Variants in TGM4 observed in about 807,000 individuals in gnomAD.
TGM4 encodes protein-glutamine gamma-glutamyltransferase 4.
In TGM4, 61 loss-of-function variants were observed where a neutral mutation model predicts 76.3. The ratio of observed to expected loss-of-function variants is 0.80; its 90% CI spans 0.65 to 0.99. TGM4 has a LOEUF of 0.99. TGM4 is among the 50% of genes least tolerant of loss of function. The pLI, the probability that TGM4 is intolerant of heterozygous loss-of-function variation, is 0.00. For synonymous variants in TGM4, 337 were observed against 329.8 expected, an observed-to-expected ratio of 1.02 and a Z score of -0.24; for missense variants, 794 against 843.2, an observed-to-expected ratio of 0.94 and a Z score of 0.72.
Position 44,896,784 on chromosome 3 carries a change from C to A in TGM4, c.625C>A (p.Pro209Thr), listed in dbSNP as rs898331603. The A allele has an allele frequency of 6.2e-7, 1 of 1,614,154 alleles. No homozygotes were observed. Among genetic ancestry groups the A allele is most frequent in the Non-Finnish European group, 8.5e-7 (1 of 1,180,028 alleles). ...SSLKPTDRRDPVLVCRAMCAM... is the reference protein window; with the variant it reads ...SSLKPTDRRDTVLVCRAMCAM... ...CCTCAAGCCCACAGATAGGAGGGAC[C>A]CCGTGCTGGTGTGCAGGGCCATGTG... The change falls in exon 6 of 14, where the codon CCC becomes ACC. Residue 209 changes from proline to threonine, a missense_variant. Physicochemically the swap from Pro to Thr is conservative, Grantham distance 38. Coordinates refer to ENST00000296125, the MANE Select transcript of TGM4 (RefSeq NM_003241.4).
rs537850961 is a variant in TGM4, at chr3:44,913,893, G to A, written c.*168G>A. 3.5e-6 allele frequency: 3 copies of A among 851,686 alleles called. No homozygotes were observed. Among genetic ancestry groups the A allele is most frequent in the Non-Finnish European group, 5.3e-6 (3 of 565,404 alleles). 52.8% of individuals were successfully genotyped at this position (851,686 alleles called of 1,614,324 possible). A position where few individuals can be genotyped will look rare whatever the true frequency, so the allele number is the denominator to read the frequency against. ...ATAAGCAGCCAGACCCACAAGGCCAGGTCCTGTGCTATCACAGGGTCACCT... is the reference window on the plus strand; with the variant it reads ...ATAAGCAGCCAGACCCACAAGGCCAAGTCCTGTGCTATCACAGGGTCACCT... On this transcript the variant is annotated 3_prime_UTR_variant, in exon 14 of 14. Transcript: ENST00000296125.
intron 11 of TGM4, 136 bp from the exon 12 acceptor site, chr3:44,910,820 TAA>T: frequency 1.0e-6 from 1 of 960,960 alleles, no homozygotes; most frequent in Non-Finnish European, 1.5e-6. Context: ...TCTTGTTTTC[TAA>T]AGAGAGTATG....
At chr3:44,882,868 C>T (rs1296271177) in intron 1 of TGM4, among the ~76,000 whole-genome samples, 1 of 152,204 alleles carries the variant, frequency 6.6e-6, no homozygotes, top group East Asian at 1.9e-4. Context: ...TACTGTGTGC[C>T]AGGCATGTGC....
At chr3:44,876,253 A>G (rs1699450990) in intron 1 of TGM4, among the ~76,000 whole-genome samples, 1 of 152,238 alleles carries the variant, frequency 6.6e-6, no homozygotes, top group Non-Finnish European at 1.5e-5. Context: ...AAAGACAGTC[A>G]TCTCCTGGCC....
At chr3:44,892,585 G>T (rs1317087280) in intron 4 of TGM4, among the ~76,000 whole-genome samples, 2 of 151,922 alleles carry the variant, frequency 1.3e-5, no homozygotes, top group Admixed American at 6.5e-5. Context: ...TGGTCAGGCT[G>T]GTCTCGAACT....
rs756015035 is a variant in TGM4 at position 44,885,438 on chromosome 3, C to T, written c.133C>T (p.Arg45Trp). The T allele has an allele frequency of 9.4e-5, 152 of 1,613,030 alleles. No homozygotes were observed. Among genetic ancestry groups the T allele is most frequent in the East Asian group, 3.8e-4 (17 of 44,894 alleles). ...CCGGCGAGGACAGGTGTTTCACCTG[C>T]GGCTGGTGCTGAACCAGCCCCTACA... ...VFRRGQVFHL[R>W]LVLNQPLQSY... is the part of the protein sequence containing the mutation. The change falls in exon 2 of 14, where the codon CGG (arginine) becomes TGG (tryptophan). Residue 45 changes from arginine (R) to tryptophan (W), a missense_variant. Transcript: ENST00000296125.
rs1397904739 is a variant in TGM4, at chr3:44,896,765, G to C, written c.606G>C (p.Lys202Asn). 2 of 1,614,176 alleles carry C rather than the reference G, an allele frequency of 1.2e-6. No homozygotes were observed. Among genetic ancestry groups the C allele is most frequent in the African/African-American group, 2.7e-5 (2 of 75,048 alleles). The change falls in exon 6 of 14, where the codon AAG becomes AAC. Residue 202 changes from lysine (K) to asparagine (N), a missense_variant. Coordinates refer to ENST00000296125, the MANE Select transcript of TGM4 (RefSeq NM_003241.4). ...CISLLTESSL[K>N]PTDRRDPVLV... ...CCCTGCTGACTGAGAGCTCCCTCAA[G>C]CCCACAGATAGGAGGGACCCCGTGC...
chr3:44,875,694 G>C (rs1385106598), intron 1 of TGM4, among the ~76,000 whole-genome samples: 1 of 152,248 alleles, frequency 6.6e-6, no homozygotes, highest in Non-Finnish European at 1.5e-5. Flanking sequence ...TCTCTTGCTT[G>C]AGAAGCTGCT....
intron 5 of TGM4, among the ~76,000 whole-genome samples, chr3:44,895,122 C>T (rs547462053): frequency 1.3e-5 from 2 of 151,852 alleles, no homozygotes; most frequent in Admixed American, 1.3e-4. Flanking sequence ...AGTGAAACCC[C>T]GTCTCTACTA....
chr3:44,889,299 G>T (rs1231329011), intron 3 of TGM4: 2 of 151,840 alleles, frequency 1.3e-5, no homozygotes, highest in African/African-American at 2.4e-5. Context: ...TGCTGCAATG[G>T]CACTCAAGGC....
chr3:44,885,408 G>A lies in TGM4; in HGVS notation c.103G>A (p.Val35Met), dbSNP rs1350511790. The change falls in exon 2 of 14, where the codon GTG becomes ATG. Residue 35 changes from valine (V) to methionine (M), a missense_variant. Transcript: ENST00000296125. ...ATGGGAGTTCCAAACGAGCAGTCCTGTGTTCCGGCGAGGACAGGTGTTTCA... is the reference window on the plus strand; with the variant it reads ...ATGGGAGTTCCAAACGAGCAGTCCTATGTTCCGGCGAGGACAGGTGTTTCA... ...HTWEFQTSSPVFRRGQVFHLR... is the reference protein window; with the variant it reads ...HTWEFQTSSPMFRRGQVFHLR... 4 of 1,613,982 alleles carry A rather than the reference G, an allele frequency of 2.5e-6. No homozygotes were observed. The South Asian group carries it at 3.3e-5, about 13-fold the overall frequency.
At chr3:44,881,013 T>C (rs899100245) in intron 1 of TGM4, among the ~76,000 whole-genome samples, 1 of 151,698 alleles carries the variant, frequency 6.6e-6, no homozygotes, top group Admixed American at 6.6e-5. Flanking sequence ...AATTCAGGAG[T>C]TTGAGACCAG....
At chr3:44,885,896 T>G (rs1394239861) in intron 2 of TGM4, among the ~76,000 whole-genome samples, 1 of 152,162 alleles carries the variant, frequency 6.6e-6, no homozygotes, top group Non-Finnish European at 1.5e-5. Flanking sequence ...GTTGCAAAGA[T>G]AATAGGAAAT....
At chr3:44,886,334 C>G (rs892621040) in intron 2 of TGM4, among the ~76,000 whole-genome samples, 4 of 151,810 alleles carry the variant, frequency 2.6e-5, no homozygotes, top group Admixed American at 2.0e-4. Flanking sequence ...GAGTGAAACT[C>G]CGTCTCAAAA....
intron 6 of TGM4, 138 bp from the exon 7 acceptor site, chr3:44,901,386 T>C: frequency 1.9e-6 from 2 of 1,053,376 alleles, no homozygotes; most frequent in Non-Finnish European, 2.7e-6. Flanking sequence ...ACCCCACCTG[T>C]TCTGGAAAGC....
At chr3:44,885,535 AG>A in intron 2 of TGM4, 37 bp downstream of exon 2, 2 of 1,584,576 alleles carry the variant, frequency 1.3e-6, no homozygotes, top group Non-Finnish European at 1.7e-6. Context: ...GGCTTTGGGG[AG>A]GGATCACAAG....
intron 6 of TGM4, among the ~76,000 whole-genome samples, chr3:44,897,515 C>T (rs1281260672): frequency 6.6e-6 from 1 of 152,240 alleles, no homozygotes; most frequent in East Asian, 1.9e-4. Context: ...ACTAAGAATA[C>T]TGTGTTCCAG....
chr3:44,882,261 C>G (rs190935227), intron 1 of TGM4, among the ~76,000 whole-genome samples: 23 of 152,192 alleles, frequency 1.5e-4, no homozygotes, highest in Middle Eastern at 3.4e-3. Flanking sequence ...CCCAGTGTGG[C>G]TTCCTGTAGT....
In TGM4 at chr3:44,907,218, C is replaced by A. The variant is rs771014144; in HGVS notation, c.1327+18C>A. The A allele has an allele frequency of 6.2e-7, 1 of 1,610,408 alleles. No individual in the cohort carries two copies. On this transcript the variant is annotated intron_variant, in intron 10 of 13. Coordinates refer to ENST00000296125, the MANE Select transcript of TGM4 (RefSeq NM_003241.4). Reference sequence around the variant, plus strand: ...TCCAGAAGGTGCTAGCATCACAGGGCTCCTTCTGACTCAGCCCCTGAGTCA... The same window carrying A: ...TCCAGAAGGTGCTAGCATCACAGGGATCCTTCTGACTCAGCCCCTGAGTCA...
Sources: gnomAD v4.1 joint callset for allele counts (sites outside exome capture counted in the v4.1 genomes callset) on GRCh38, gnomAD v4.1.1 for gene constraint, MANE v1.5 for transcripts, NCBI Gene and HGNC (gene_info 2026-07-23, HGNC 2026-07-21) for gene names.